ARIH1: variants seen among roughly 807,000 people sequenced by gnomAD.
The protein encoded by ARIH1 is E3 ubiquitin-protein ligase ARIH1.
A neutral mutation model predicts 85.0 loss-of-function variants in ARIH1; 8 were observed. The observed-to-expected ratio is 0.09, with a 90% CI of 0.06 to 0.17. The LOEUF (loss-of-function observed/expected upper bound fraction) is 0.17, where lower values mean the gene tolerates loss of function less well. ARIH1 is among the 10% of genes least tolerant of loss of function. ARIH1 has a pLI of 1.00. For missense variants in ARIH1, 311 were observed against 718.1 expected (o/e 0.43, Z 6.48); for synonymous variants, 238 against 253.6 (o/e 0.94, Z 0.59).
chr15:72,520,888 G>C (rs1180335807), intron 2 of ARIH1, among the ~76,000 whole-genome samples: 1 of 151,632 alleles, frequency 6.6e-6, no homozygotes, highest in Non-Finnish European at 1.5e-5. Flanking sequence ...CTGTCACCCA[G>C]GCTGGAGTGC....
intron 5 of ARIH1, among the ~76,000 whole-genome samples, chr15:72,557,535 A>G (rs923763967): frequency 3.3e-5 from 5 of 152,158 alleles, no homozygotes; most frequent in Admixed American, 6.5e-5. Flanking sequence ...TCAGCTGTAC[A>G]GAAGCTCATT....
At chr15:72,523,287 A>C (rs1437001612) in intron 2 of ARIH1, among the ~76,000 whole-genome samples, 16 of 152,260 alleles carry the variant, frequency 1.1e-4, no homozygotes, top group Admixed American at 8.5e-4. Context: ...TGGTACATCC[A>C]GAAGTGGGAT....
chr15:72,544,224 A>G (rs2064119533), intron 2 of ARIH1, among the ~76,000 whole-genome samples: 2 of 152,180 alleles, frequency 1.3e-5, no homozygotes, highest in South Asian at 2.1e-4. Context: ...TAATGTTTAG[A>G]AAGCAAGTCT....
chr15:72,541,585 A>G (rs1458711472), intron 2 of ARIH1, among the ~76,000 whole-genome samples: 3 of 152,216 alleles, frequency 2.0e-5, no homozygotes, highest in Non-Finnish European at 4.4e-5. Context: ...GAACAGAGAA[A>G]ATTCTGTGAG....
intron 3 of ARIH1, among the ~76,000 whole-genome samples, chr15:72,545,405 CA>C (rs2064124481): frequency 6.6e-6 from 1 of 152,196 alleles, no homozygotes; most frequent in Non-Finnish European, 1.5e-5. Flanking sequence ...TTCACTTAAT[CA>C]AATCCATTCA....
At chr15:72,572,214 A>T in intron 11 of ARIH1, 49 bp downstream of exon 11, 2 of 1,195,588 alleles carry the variant, frequency 1.7e-6, no homozygotes, top group Non-Finnish European at 2.4e-6. Flanking sequence ...TGCACGTTGT[A>T]TATTCATATT....
At chr15:72,520,039 G>A (rs1457179192) in intron 2 of ARIH1, among the ~76,000 whole-genome samples, 1 of 151,888 alleles carries the variant, frequency 6.6e-6, no homozygotes, top group African/African-American at 2.4e-5. Context: ...GTGTACTATT[G>A]GATTTAATGT....
intron 1 of ARIH1, among the ~76,000 whole-genome samples, chr15:72,487,017 A>G (rs1202355982): frequency 6.6e-6 from 1 of 152,046 alleles, no homozygotes; most frequent in African/African-American, 2.4e-5. Flanking sequence ...TTTAAGGCCA[A>G]AAGTTTGAAG....
chr15:72,541,028 G>A (rs2064104768), intron 2 of ARIH1, among the ~76,000 whole-genome samples: 1 of 152,116 alleles, frequency 6.6e-6, no homozygotes, highest in South Asian at 2.1e-4. Context: ...AGACAAAGTG[G>A]GACCAGGGGG....
At chr15:72,494,142 A>C (rs1184667552) in intron 1 of ARIH1, among the ~76,000 whole-genome samples, 1 of 152,154 alleles carries the variant, frequency 6.6e-6, no homozygotes, top group African/African-American at 2.4e-5. Context: ...ATAATGCTTC[A>C]GTTTAATTGG....
intron 9 of ARIH1, 88 bp from the exon 10 acceptor site, chr15:72,570,089 C>A: frequency 6.8e-7 from 1 of 1,479,670 alleles, no homozygotes; most frequent in South Asian, 1.3e-5. Flanking sequence ...TGTTTAAAAA[C>A]AAACCAAATC....
chr15:72,576,693 AAAC>A (rs2064272982), intron 11 of ARIH1, among the ~76,000 whole-genome samples: 1 of 152,074 alleles, frequency 6.6e-6, no homozygotes, highest in South Asian at 2.1e-4. Context: ...TAATAATACA[AAAC>A]AAATCTAAAC....
chr15:72,526,440 A>G (rs2064028792), intron 2 of ARIH1, among the ~76,000 whole-genome samples: 2 of 152,202 alleles, frequency 1.3e-5, no homozygotes, highest in South Asian at 4.1e-4. Flanking sequence ...TTTTAAAAAT[A>G]TATTTTGAGG....
At chr15:72,509,914 T>C (rs1173207853) in intron 1 of ARIH1, among the ~76,000 whole-genome samples, 52 of 151,282 alleles carry the variant, frequency 3.4e-4, no homozygotes, top group South Asian at 3.4e-3. Flanking sequence ...TTTTTTTTTT[T>C]CCCCAAAGAG....
At chr15:72,536,123 T>C (rs987673531) in intron 2 of ARIH1, among the ~76,000 whole-genome samples, 5 of 152,216 alleles carry the variant, frequency 3.3e-5, no homozygotes, top group African/African-American at 1.2e-4. Context: ...GTGTTTGTAG[T>C]GTGGCTGGAA....
At position 72,475,947 on chromosome 15, in the gene ARIH1, G is replaced by A. The variant is rs570556622; in HGVS notation, c.375+933G>A. 4.5e-3 allele frequency among the ~76,000 whole-genome samples: 660 copies of A among 147,840 alleles called. 6 individuals are homozygous for A. Among genetic ancestry groups the A allele is most frequent in the African/African-American group, 0.016 (635 of 40,414 alleles). On this transcript the variant is annotated intron_variant, in intron 1 of 13. Coordinates refer to ENST00000379887, the MANE Select transcript of ARIH1 (RefSeq NM_005744.5). ...AGAAACTCAAAAGTTTTCATTTGGGGAAAAAAAAAACCTCAGTTCTCCTGA... is the reference window on the plus strand; with the variant it reads ...AGAAACTCAAAAGTTTTCATTTGGGAAAAAAAAAAACCTCAGTTCTCCTGA...
chr15:72,496,913 C>G (rs1343009160), intron 1 of ARIH1: 10 of 925,372 alleles, frequency 1.1e-5, no homozygotes, highest in Non-Finnish European at 1.0e-5. Context: ...AACACACATA[C>G]TTACACACAG....
At chr15:72,509,084 G>A (rs764204102) in intron 1 of ARIH1, among the ~76,000 whole-genome samples, 12 of 150,766 alleles carry the variant, frequency 8.0e-5, no homozygotes, top group Non-Finnish European at 1.8e-4. Flanking sequence ...TCCGCTTCCT[G>A]GGTTCAGGTG....
intron 1 of ARIH1, among the ~76,000 whole-genome samples, chr15:72,495,801 T>G (rs1050820134): frequency 1.3e-5 from 2 of 152,182 alleles, no homozygotes; most frequent in Admixed American, 1.3e-4. Flanking sequence ...TGTTGAGACA[T>G]TGTTTTAAGG....
Sources: gnomAD v4.1 joint callset for allele counts (sites outside exome capture counted in the v4.1 genomes callset) on GRCh38, gnomAD v4.1.1 for gene constraint, MANE v1.5 for transcripts, NCBI Gene and HGNC (gene_info 2026-07-23, HGNC 2026-07-21) for gene names.